The following MAN1A2 variants were observed in gnomAD, a reference collection of about 807,000 sequenced individuals.
MAN1A2 encodes the protein mannosidase alpha class 1A member 2.
Under a neutral mutation model 75.7 loss-of-function variants are expected in MAN1A2, and 26 were observed. The ratio of observed to expected loss-of-function variants is 0.34; its 90% CI spans 0.25 to 0.48. MAN1A2 has a LOEUF of 0.48. MAN1A2 is among the 20% of genes least tolerant of loss of function. The pLI, the probability that MAN1A2 is intolerant of heterozygous loss-of-function variation, is 0.99. For missense variants in MAN1A2, 562 were observed against 775.5 expected (o/e 0.72, Z 3.27); for synonymous variants, 247 against 264.6 (o/e 0.93, Z 0.65).
chr1:117,402,411 C>T lies in MAN1A2; in HGVS notation c.528C>T (p.Asp176=), dbSNP rs774815007. The T allele has an allele frequency of 2.5e-5, 40 of 1,599,722 alleles. 1 individual carries two copies. In the South Asian group the frequency reaches 3.9e-4, roughly 16 times the overall value. ...GTGGTGGAGACCCAGAAGATAATGA[C>T]ATAAGAGAGAAAAGGGAAAAAATTA... The part of the protein sequence containing the change: ...GIRGGDPEDN[D]IREKREKIKE... Residue 176 remains aspartate (D), a synonymous_variant, in exon 2 of 13, where the codon GAC becomes GAT. Coordinates refer to ENST00000356554, the MANE Select transcript of MAN1A2 (RefSeq NM_006699.5).
At chr1:117,513,502 G>A (rs564725998) in intron 12 of MAN1A2, among the ~76,000 whole-genome samples, 1 of 151,988 alleles carries the variant, frequency 6.6e-6, no homozygotes, top group South Asian at 2.1e-4. Context: ...CGTTAATCAT[G>A]TGTTTTTGAA....
At chr1:117,439,182 A>G (rs938159799) in intron 5 of MAN1A2, among the ~76,000 whole-genome samples, 2 of 152,174 alleles carry the variant, frequency 1.3e-5, no homozygotes, top group African/African-American at 4.8e-5. Flanking sequence ...GACAGAGTGA[A>G]TGAAGGAGAG....
rs1557985318 is a variant in MAN1A2, at chr1:117,526,264, CTT to C, written c.*3309_*3310del. The C allele has an allele frequency of 6.6e-6, 1 of 151,848 alleles. No individual in the cohort carries two copies. The highest frequency in any genetic ancestry group is 1.5e-5 in the Non-Finnish European group (1 of 67,822). The allele number at this position is 151,848 out of a possible 1,614,324, so 9.4% of individuals were successfully genotyped here. A position where few individuals can be genotyped will look rare whatever the true frequency, so the allele number is the denominator to read the frequency against. On this transcript the variant is annotated 3_prime_UTR_variant, in exon 13 of 13. Coordinates refer to ENST00000356554, the MANE Select transcript of MAN1A2 (RefSeq NM_006699.5). ...CATGTGCCAAGCATTGTGCCTGGCA[CTT>C]TCAATCATTAGAATGTTTTATGTGA...
rs1651977749 is a variant in MAN1A2, at chr1:117,525,211, CAA to C, written c.*2256_*2257del. 2.1e-6 allele frequency: 1 copy of C among 485,390 alleles called. No homozygotes were observed. The highest frequency in any genetic ancestry group is 1.5e-5 in the South Asian group (1 of 65,050). The allele number at this position is 485,390 out of a possible 1,614,324, so 30.1% of individuals were successfully genotyped here. On this transcript the variant is annotated 3_prime_UTR_variant, in exon 13 of 13. Coordinates refer to ENST00000356554, the MANE Select transcript of MAN1A2 (RefSeq NM_006699.5). Reference sequence around the variant, plus strand: ...CAAGCAGAGCCAGTTCTGGTACAAACAAAGAATTTGACAGGGACAATGGAAGG... The same window carrying C: ...CAAGCAGAGCCAGTTCTGGTACAAACAGAATTTGACAGGGACAATGGAAGG...
intron 5 of MAN1A2, among the ~76,000 whole-genome samples, chr1:117,440,435 A>G (rs1166769077): frequency 6.6e-6 from 1 of 152,168 alleles, no homozygotes; most frequent in Non-Finnish European, 1.5e-5. Context: ...ATTTGCCTGC[A>G]TTGCATACTG....
rs1443115273 is a variant in MAN1A2, at chr1:117,402,166, A to G, written c.303-20A>G. On this transcript the variant is annotated intron_variant, in intron 1 of 12. Coordinates refer to ENST00000356554, the MANE Select transcript of MAN1A2 (RefSeq NM_006699.5). ...TTAAGTAGGCTCACTGTTACGTTTT[A>G]TTTCCTTCTTTTCTCACAGGGAAGA... 1 of 1,595,262 alleles carries G rather than the reference A, an allele frequency of 6.3e-7. No homozygotes were observed. The highest frequency in any genetic ancestry group is 1.4e-5 in the African/African-American group (1 of 73,502).
intron 1 of MAN1A2, among the ~76,000 whole-genome samples, chr1:117,391,132 T>G (rs185618390): frequency 6.6e-6 from 1 of 152,328 alleles, no homozygotes; most frequent in Admixed American, 6.5e-5. Context: ...GTTACCTGGT[T>G]TCTACTCTAA....
intron 1 of MAN1A2, among the ~76,000 whole-genome samples, chr1:117,378,775 G>A (rs564424568): frequency 3.3e-5 from 5 of 152,142 alleles, no homozygotes; most frequent in African/African-American, 1.2e-4. Context: ...GTACTTCCCT[G>A]ATTACTAGAG....
At chr1:117,442,197 T>C (rs759293213) in intron 5 of MAN1A2, 34 bp from the exon 6 acceptor site, 4 of 1,301,322 alleles carry the variant, frequency 3.1e-6, no homozygotes, top group Admixed American at 1.7e-5. Context: ...TACTAATGGC[T>C]ATAATTTATG....
chr1:117,423,539 T>C (rs1934251), intron 5 of MAN1A2, among the ~76,000 whole-genome samples: 21,008 of 152,166 alleles, frequency 0.14, 1,664 homozygotes, highest in Admixed American at 0.22. Context: ...TGTTTCTACT[T>C]TTTAGCATAC....
At chr1:117,398,265 A>T (rs1557933915) in intron 1 of MAN1A2, among the ~76,000 whole-genome samples, 1 of 152,136 alleles carries the variant, frequency 6.6e-6, no homozygotes, top group Non-Finnish European at 1.5e-5. Flanking sequence ...AATCTAGGAG[A>T]AGTTATGATT....
chr1:117,493,403 TAG>T (rs1650946698), intron 9 of MAN1A2, 141 bp downstream of exon 9: 1 of 503,514 alleles, frequency 2.0e-6, no homozygotes, highest in Admixed American at 3.6e-5. Flanking sequence ...GCATTCACTG[TAG>T]AGTTTGTTAC....
rs146595755 is a variant in MAN1A2 at position 117,520,613 on chromosome 1, C to T, written c.1794-2212C>T. The stretch of plus-strand genomic sequence containing the variant: ...TAAAACACTTAGGAATATACCTAAC[C>T]AAGGAGGCAAAAGACCTTTACAAGG... On this transcript the variant is annotated intron_variant, in intron 12 of 12. Coordinates refer to ENST00000356554, the MANE Select transcript of MAN1A2 (RefSeq NM_006699.5). 7.3e-4 allele frequency among the ~76,000 whole-genome samples: 111 copies of T among 151,988 alleles called. 1 individual carries two copies. Among genetic ancestry groups the T allele is most frequent in the African/African-American group, 2.6e-3 (108 of 41,490 alleles).
At chr1:117,394,891 G>A (rs1198793432) in intron 1 of MAN1A2, among the ~76,000 whole-genome samples, 1 of 152,144 alleles carries the variant, frequency 6.6e-6, no homozygotes, top group East Asian at 1.9e-4. Context: ...TTTTAAGGAC[G>A]GGTGAAACTT....
chr1:117,490,153 A>C (rs528858048), intron 8 of MAN1A2, among the ~76,000 whole-genome samples: 17 of 152,030 alleles, frequency 1.1e-4, no homozygotes, highest in Non-Finnish European at 1.6e-4. Context: ...ATGCTTAGCT[A>C]TATGCTTTGC....
chr1:117,481,713 T>A (rs1650502183), intron 8 of MAN1A2, among the ~76,000 whole-genome samples: 1 of 151,982 alleles, frequency 6.6e-6, no homozygotes. Context: ...GATACCATGC[T>A]TTTTACATAG....
At chr1:117,422,204 C>A (rs570518325) in intron 5 of MAN1A2, among the ~76,000 whole-genome samples, 1 of 151,960 alleles carries the variant, frequency 6.6e-6, no homozygotes, top group Non-Finnish European at 1.5e-5. Flanking sequence ...TTATAATTAC[C>A]CTATCCCATT....
intron 4 of MAN1A2, 46 bp from the exon 5 acceptor site, chr1:117,420,523 A>G (rs770181156): frequency 1.4e-5 from 19 of 1,329,184 alleles, no homozygotes; most frequent in Non-Finnish European, 1.8e-5. Flanking sequence ...TTTGAAAACT[A>G]TAAAGCATTA....
intron 8 of MAN1A2, among the ~76,000 whole-genome samples, chr1:117,477,273 C>T (rs1038911868): frequency 5.9e-5 from 9 of 151,904 alleles, no homozygotes; most frequent in South Asian, 2.1e-4. Flanking sequence ...GGAAATCCTC[C>T]GTAACTTATT....
Sources: allele counts gnomAD v4.1 joint callset (sites outside exome capture counted in the v4.1 genomes callset), GRCh38; gene constraint gnomAD v4.1.1; transcripts MANE v1.5; gene names NCBI Gene and HGNC (gene_info 2026-07-23, HGNC 2026-07-21).